IQCK: variants seen among roughly 807,000 people sequenced by gnomAD.
IQCK encodes IQ domain-containing protein K.
In IQCK, 29 loss-of-function variants were observed where a neutral mutation model predicts 28.1. The observed-to-expected ratio is 1.03, with a 90% CI of 0.77 to 1.41. The LOEUF (loss-of-function observed/expected upper bound fraction) is 1.41, where lower values mean the gene tolerates loss of function less well. Ranked by LOEUF, IQCK falls within the 40% of genes most tolerant of loss-of-function variation. The pLI is 0.00. For missense variants in IQCK, 359 were observed against 314.7 expected, an observed-to-expected ratio of 1.14 and a Z score of -1.07; for synonymous variants, 113 against 115.1, an observed-to-expected ratio of 0.98 and a Z score of 0.12.
At chr16:19,782,991 C>CTTT (rs111698209) in intron 6 of IQCK, among the ~76,000 whole-genome samples, 18 of 148,858 alleles carry the variant, frequency 1.2e-4, no homozygotes, top group African/African-American at 2.8e-4. Flanking sequence ...GATTCTTCTT[C>CTTT]TTTTTTTGTG....
chr16:19,823,628 A>G (rs1260597801), intron 7 of IQCK, among the ~76,000 whole-genome samples: 2 of 152,174 alleles, frequency 1.3e-5, no homozygotes, highest in African/African-American at 4.8e-5. Flanking sequence ...ATACACAGCT[A>G]CTGCCTCATT....
At chr16:19,772,455 A>G (rs2055332115) in intron 6 of IQCK, among the ~76,000 whole-genome samples, 1 of 152,192 alleles carries the variant, frequency 6.6e-6, no homozygotes, top group African/African-American at 2.4e-5. Context: ...AAATTAAAAA[A>G]TTATTATTTA....
At chr16:19,809,399 A>G (rs1053628985) in intron 7 of IQCK, among the ~76,000 whole-genome samples, 5 of 152,274 alleles carry the variant, frequency 3.3e-5, no homozygotes, top group African/African-American at 1.2e-4. Context: ...TGGAATGTCC[A>G]AGCTGGCCTC....
intron 6 of IQCK, chr16:19,765,954 T>C (rs1313848409): frequency 2.0e-5 from 3 of 152,202 alleles, no homozygotes; most frequent in African/African-American, 4.8e-5. Flanking sequence ...TTAGCTTTAT[T>C]TATTATACAA....
At chr16:19,740,347 G>C (rs1179407634) in intron 4 of IQCK, among the ~76,000 whole-genome samples, 1 of 152,142 alleles carries the variant, frequency 6.6e-6, no homozygotes, top group African/African-American at 2.4e-5. Context: ...GTGTGATACA[G>C]TTGGTAGGTA....
At chr16:19,834,010 C>G (rs572737341) in intron 9 of IQCK, among the ~76,000 whole-genome samples, 1 of 152,194 alleles carries the variant, frequency 6.6e-6, no homozygotes, top group East Asian at 1.9e-4. Flanking sequence ...ATTGCTTGAG[C>G]CTAGGAACCC....
intron 9 of IQCK, among the ~76,000 whole-genome samples, chr16:19,844,757 A>C (rs2056397525): frequency 6.6e-6 from 1 of 152,144 alleles, no homozygotes; most frequent in Non-Finnish European, 1.5e-5. Context: ...TAACAACAAC[A>C]ACAACAAACA....
intron 7 of IQCK, 126 bp from the exon 8 acceptor site, chr16:19,826,900 G>A: frequency 1.5e-6 from 1 of 682,498 alleles, no homozygotes; most frequent in South Asian, 1.8e-5. Flanking sequence ...ATTCATTTAG[G>A]ACGATGATTC....
intron 2 of IQCK, among the ~76,000 whole-genome samples, chr16:19,732,811 T>G (rs1977882988): frequency 6.6e-6 from 1 of 152,150 alleles, no homozygotes; most frequent in African/African-American, 2.4e-5. Context: ...TGGTTCTAAG[T>G]GTTCTACTCC....
At chr16:19,772,487 A>G (rs1265628518) in intron 6 of IQCK, among the ~76,000 whole-genome samples, 1 of 152,196 alleles carries the variant, frequency 6.6e-6, no homozygotes, top group Admixed American at 6.5e-5. Flanking sequence ...TGAGAATACT[A>G]ATTTCATAGT....
chr16:19,762,325 G>A (rs1014757166), intron 4 of IQCK, among the ~76,000 whole-genome samples: 5 of 152,196 alleles, frequency 3.3e-5, no homozygotes, highest in African/African-American at 1.2e-4. Flanking sequence ...GTGGCACTTA[G>A]ACCCGAAGGA....
intron 6 of IQCK, among the ~76,000 whole-genome samples, chr16:19,774,105 T>C (rs540111914): frequency 5.3e-5 from 8 of 152,214 alleles, no homozygotes; most frequent in African/African-American, 1.4e-4. Flanking sequence ...AGTGTAGGAA[T>C]GTTCTAGAAG....
chr16:19,765,112 C>T (rs1348842284), intron 6 of IQCK, among the ~76,000 whole-genome samples: 4 of 146,440 alleles, frequency 2.7e-5, no homozygotes, highest in African/African-American at 7.5e-5. Flanking sequence ...GTCCCAGCAA[C>T]TCGGGAGGCT....
chr16:19,735,248 G>A (rs1177003439), intron 3 of IQCK, 105 bp from the exon 4 acceptor site: 4 of 760,324 alleles, frequency 5.3e-6, no homozygotes, highest in African/African-American at 1.8e-5. Flanking sequence ...AAGATCATGT[G>A]ATTGAATGGA....
intron 9 of IQCK, among the ~76,000 whole-genome samples, chr16:19,849,191 G>A (rs1439486416): frequency 6.6e-6 from 1 of 151,312 alleles, no homozygotes; most frequent in Non-Finnish European, 1.5e-5. Context: ...TAGCAATACA[G>A]GTATACTGTA....
Position 19,825,535 on chromosome 16 carries a change from G to A in IQCK, c.691-1491G>A, listed in dbSNP as rs2056137113. ...AACTCCATCTCAAAAAAAAAAAAAT[G>A]TAAAATATTTGGCCAGGCACAGTGG... On this transcript the variant is annotated intron_variant, in intron 7 of 7. Coordinates refer to ENST00000564186, the Ensembl canonical transcript of IQCK. The surrounding 1 kb of genome is among the most constrained non-coding windows in gnomAD (Gnocchi z 4.2). Among the ~76,000 whole-genome samples, 2 of 150,924 alleles carry A rather than the reference G, an allele frequency of 1.3e-5. No individual in the cohort carries two copies. The highest frequency in any genetic ancestry group is 4.2e-4 in the South Asian group (2 of 4,776).
At chr16:19,808,196 T>G (rs1286072081) in intron 7 of IQCK, among the ~76,000 whole-genome samples, 1 of 152,168 alleles carries the variant, frequency 6.6e-6, no homozygotes, top group Non-Finnish European at 1.5e-5. Context: ...CGGGCCTGAC[T>G]TCTCAGGTCA....
At chr16:19,773,493 G>A (rs1046537906) in intron 6 of IQCK, among the ~76,000 whole-genome samples, 3 of 152,192 alleles carry the variant, frequency 2.0e-5, no homozygotes, top group African/African-American at 7.2e-5. Flanking sequence ...CAGAGTTCCT[G>A]GGGAACAAGG....
chr16:19,723,852 C>T (rs749147613), intron 1 of IQCK, among the ~76,000 whole-genome samples: 1 of 151,804 alleles, frequency 6.6e-6, no homozygotes, highest in Non-Finnish European at 1.5e-5. Context: ...CCCAGCTACT[C>T]AGGAGGCTGA....
Sources: gnomAD v4.1 joint callset for allele counts (sites outside exome capture counted in the v4.1 genomes callset) on GRCh38, gnomAD v4.1.1 for gene constraint, Gnocchi (gnomAD v3.1) non-coding constraint, MANE v1.5 for transcripts, NCBI Gene and HGNC (gene_info 2026-07-23, HGNC 2026-07-21) for gene names.